DPP10: variants seen among roughly 807,000 people sequenced by gnomAD.
The protein encoded by DPP10 is inactive dipeptidyl peptidase 10.
A neutral mutation model predicts 120.9 loss-of-function variants in DPP10; 33 were observed. That is an observed-to-expected ratio of 0.27 (90% CI 0.21 to 0.37). The LOEUF is 0.37. Ranked by LOEUF, DPP10 falls within the 10% of genes least tolerant of loss-of-function variation. DPP10 has a pLI of 1.00. For missense variants in DPP10, 816 were observed against 942.8 expected (o/e 0.87, Z 1.76); for synonymous variants, 337 against 326.1 (o/e 1.03, Z -0.36).
At chr2:114,692,656 T>C (rs1699834699) in intron 1 of DPP10, among the ~76,000 whole-genome samples, 1 of 152,064 alleles carries the variant, frequency 6.6e-6, no homozygotes, top group Non-Finnish European at 1.5e-5. Flanking sequence ...GTCTCAATGA[T>C]CTGTCTAATA....
intron 2 of DPP10, among the ~76,000 whole-genome samples, chr2:115,327,784 A>T (rs1330049644): frequency 6.6e-6 from 1 of 152,048 alleles, no homozygotes; most frequent in Non-Finnish European, 1.5e-5. Context: ...GAGAGTCAAG[A>T]TGTAGTACAA....
At chr2:115,695,347 G>A (rs575615545) in intron 7 of DPP10, among the ~76,000 whole-genome samples, 31 of 152,218 alleles carry the variant, frequency 2.0e-4, no homozygotes, top group Admixed American at 3.9e-4. Flanking sequence ...GTATTAGTCC[G>A]TTCTCATGCA....
chr2:115,527,402 A>G (rs1328405712), intron 5 of DPP10, among the ~76,000 whole-genome samples: 1 of 152,160 alleles, frequency 6.6e-6, no homozygotes, highest in East Asian at 1.9e-4. Flanking sequence ...CTCAGAATGG[A>G]TCATGCTTTT....
chr2:115,150,934 T>C (rs1482283908), intron 1 of DPP10, among the ~76,000 whole-genome samples: 4 of 152,214 alleles, frequency 2.6e-5, no homozygotes, highest in Non-Finnish European at 5.9e-5. Context: ...TTTACTTTCT[T>C]CAGGTGGCTA....
At chr2:115,767,582 G>A (rs13424331) in intron 12 of DPP10, among the ~76,000 whole-genome samples, 286 of 151,338 alleles carry the variant, frequency 1.9e-3, no homozygotes, top group African/African-American at 6.7e-3. Flanking sequence ...TAGTGTGTGT[G>A]TGTATATATA....
intron 1 of DPP10, among the ~76,000 whole-genome samples, chr2:114,708,799 A>G (rs991403412): frequency 5.9e-5 from 9 of 152,220 alleles, no homozygotes; most frequent in Admixed American, 4.6e-4. Context: ...TCTGTTGCCC[A>G]GGCTAGAGTA....
Position 114,655,446 on chromosome 2 carries a change from C to T in DPP10, c.60+212608C>T, listed in dbSNP as rs149615359. Among the ~76,000 whole-genome samples the T allele has an allele frequency of 1.2e-3, 189 of 152,248 alleles. 2 individuals are homozygous for T. The highest frequency in any genetic ancestry group is 4.2e-3 in the African/African-American group (174 of 41,540). The stretch of plus-strand genomic sequence containing the variant: ...AAAGAGGCAGTTAAGGCAAGAAAAG[C>T]GCATTTAGAAGTTTAAAGAATGCAA... On this transcript the variant is annotated intron_variant, in intron 1 of 25. Coordinates refer to ENST00000410059, the MANE Select transcript of DPP10 (RefSeq NM_020868.6).
chr2:115,787,791 A>G (rs946475959), intron 17 of DPP10, among the ~76,000 whole-genome samples: 1 of 152,178 alleles, frequency 6.6e-6, no homozygotes, highest in African/African-American at 2.4e-5. Flanking sequence ...TGCAAAACCA[A>G]TGATAAAGAA....
At chr2:115,302,042 C>T (rs1238425468) in intron 1 of DPP10, among the ~76,000 whole-genome samples, 4 of 151,910 alleles carry the variant, frequency 2.6e-5, no homozygotes, top group African/African-American at 4.8e-5. Context: ...TATGACTGGA[C>T]GGCCTCAGAA....
intron 8 of DPP10, among the ~76,000 whole-genome samples, chr2:115,733,308 T>C (rs2092954728): frequency 6.6e-6 from 1 of 152,192 alleles, no homozygotes; most frequent in Non-Finnish European, 1.5e-5. Flanking sequence ...AACAAATATT[T>C]ATTGAGCACT....
intron 1 of DPP10, among the ~76,000 whole-genome samples, chr2:114,748,390 A>G (rs893279064): frequency 3.1e-5 from 3 of 95,924 alleles, no homozygotes; most frequent in African/African-American, 1.2e-4. Context: ...TTATTTATTT[A>G]TTTATTTATT....
At chr2:114,659,521 T>G (rs936453125) in intron 1 of DPP10, among the ~76,000 whole-genome samples, 3 of 147,574 alleles carry the variant, frequency 2.0e-5, no homozygotes, top group East Asian at 3.9e-4. Context: ...CCTACTTCTA[T>G]TTTTTTTTTC....
intron 1 of DPP10, among the ~76,000 whole-genome samples, chr2:115,247,990 T>C (rs1306874440): frequency 6.6e-6 from 1 of 152,120 alleles, no homozygotes; most frequent in Non-Finnish European, 1.5e-5. Flanking sequence ...CATGTCTCCT[T>C]TGCTAGTTTT....
chr2:115,428,985 A>G (rs190071950), intron 3 of DPP10, among the ~76,000 whole-genome samples: 23 of 152,314 alleles, frequency 1.5e-4, no homozygotes, highest in African/African-American at 4.3e-4. Context: ...GGCAGCAACA[A>G]ATATTCAGAT....
chr2:115,244,239 T>TATATATATATATATATAG (rs1348001277), intron 1 of DPP10, among the ~76,000 whole-genome samples: 1 of 93,474 alleles, frequency 1.1e-5, no homozygotes, highest in African/African-American at 3.8e-5. Context: ...TATATATATA[T>TATATATATATATATATAG]AGAGAGAGAG....
At chr2:114,746,532 C>T (rs936267245) in intron 1 of DPP10, among the ~76,000 whole-genome samples, 1 of 152,124 alleles carries the variant, frequency 6.6e-6, no homozygotes, top group Non-Finnish European at 1.5e-5. Context: ...CCCATAGCTG[C>T]GGAATTCAGT....
chr2:114,899,382 G>T (rs1693343571), intron 1 of DPP10, among the ~76,000 whole-genome samples: 1 of 151,956 alleles, frequency 6.6e-6, no homozygotes. Context: ...ATAAACTGTT[G>T]TACAACTATC....
chr2:115,689,694 A>T lies in DPP10; in HGVS notation c.449A>T (p.His150Leu), dbSNP rs766755484. 1 of 1,550,642 alleles carries T rather than the reference A, an allele frequency of 6.4e-7. No individual in the cohort carries two copies. The highest frequency in any genetic ancestry group is 2.3e-5 in the East Asian group (1 of 44,358). The change falls in exon 6 of 26, where the codon CAT becomes CTT. Residue 150 changes from histidine to leucine, a missense_variant. Coordinates refer to ENST00000410059, the MANE Select transcript of DPP10 (RefSeq NM_020868.6). ...LLAYDVKQIF[H>L]YSYTASYVIY... ...TTTCTTTTTTAATTTCAGATTTTTC[A>T]TTATTCGTATACTGCTTCATATGTG...
chr2:114,531,267 G>A (rs1573580287), intron 1 of DPP10, among the ~76,000 whole-genome samples: 2 of 152,046 alleles, frequency 1.3e-5, no homozygotes, highest in South Asian at 4.2e-4. Context: ...CTTCAAATAG[G>A]ACTTGAGTCA....
Sources: gnomAD v4.1 joint callset for allele counts (sites outside exome capture counted in the v4.1 genomes callset) on GRCh38, gnomAD v4.1.1 for gene constraint, MANE v1.5 for transcripts, NCBI Gene and HGNC (gene_info 2026-07-23, HGNC 2026-07-21) for gene names.